The following PDE8B variants were observed in gnomAD, a reference collection of about 807,000 sequenced individuals.
PDE8B encodes the protein high affinity cAMP-specific and IBMX-insensitive 3',5'-cyclic phosphodiesterase 8B.
PDE8B carries 26 observed loss-of-function variants against 101.3 expected under a neutral mutation model. The observed-to-expected ratio is 0.26, with a 90% CI of 0.19 to 0.36. PDE8B has a LOEUF of 0.36. PDE8B is among the 10% of genes least tolerant of loss of function. PDE8B has a pLI of 1.00. For synonymous variants in PDE8B, 424 were observed against 429.3 expected, an observed-to-expected ratio of 0.99 and a Z score of 0.15; for missense variants, 810 against 1,163.1, an observed-to-expected ratio of 0.70 and a Z score of 4.42.
At chr5:77,396,489 G>A (rs1791086723) in intron 10 of PDE8B, among the ~76,000 whole-genome samples, 1 of 152,146 alleles carries the variant, frequency 6.6e-6, no homozygotes, top group Admixed American at 6.5e-5. Context: ...CTTAGGAGTT[G>A]GATTTTTCTC....
chr5:77,216,169 T>G (rs1481149521), intron 1 of PDE8B, among the ~76,000 whole-genome samples: 1 of 152,068 alleles, frequency 6.6e-6, no homozygotes, highest in East Asian at 1.9e-4. Flanking sequence ...TTTGGCAGGA[T>G]GAAGGAAAGA....
chr5:77,395,834 T>C (rs537669095), intron 10 of PDE8B, among the ~76,000 whole-genome samples: 164 of 149,724 alleles, frequency 1.1e-3, no homozygotes, highest in African/African-American at 3.7e-3. Context: ...ATAAAGCCAG[T>C]TCCACATGGC....
chr5:77,191,357 CTT>C, the PDE8B span, among the ~76,000 whole-genome samples: 1 of 145,844 alleles, frequency 6.9e-6, no homozygotes, highest in Non-Finnish European at 1.5e-5. Context: ...TAAAACATAT[CTT>C]TTTTTTTTTT....
At chr5:77,289,089 G>A (rs1000456938) in intron 1 of PDE8B, among the ~76,000 whole-genome samples, 56 of 151,990 alleles carry the variant, frequency 3.7e-4, no homozygotes, top group African/African-American at 1.3e-3. Flanking sequence ...TAATAGACAC[G>A]TCCACACTGA....
At chr5:77,266,079 C>A (rs146924754) in intron 1 of PDE8B, among the ~76,000 whole-genome samples, 1 of 152,166 alleles carries the variant, frequency 6.6e-6, no homozygotes, top group African/African-American at 2.4e-5. Flanking sequence ...AGCTGTTCAG[C>A]GGCATTGTGG....
At chr5:77,394,635 A>G (rs1790631742) in intron 10 of PDE8B, among the ~76,000 whole-genome samples, 1 of 152,198 alleles carries the variant, frequency 6.6e-6, no homozygotes, top group African/African-American at 2.4e-5. Flanking sequence ...CTGTAGTACT[A>G]GGTAGGAAAA....
At chr5:77,206,865 A>G (rs1747545408), upstream of PDE8B, among the ~76,000 whole-genome samples, 1 of 152,228 alleles carries the variant, frequency 6.6e-6, no homozygotes, top group African/African-American at 2.4e-5. Context: ...AAAGTCCCAC[A>G]ATTCTAAATA....
chr5:77,304,827 T>C (rs145079110), intron 1 of PDE8B, among the ~76,000 whole-genome samples: 5 of 152,322 alleles, frequency 3.3e-5, no homozygotes, highest in African/African-American at 1.2e-4. Context: ...TCACCAAATA[T>C]AAAAGACTTT....
At chr5:77,126,553 G>T in the PDE8B span, among the ~76,000 whole-genome samples, 1 of 152,124 alleles carries the variant, frequency 6.6e-6, no homozygotes, top group Non-Finnish European at 1.5e-5. Flanking sequence ...AGCCTCCCGA[G>T]TAGCTGGGAC....
At chr5:77,209,974 A>G (rs1299895558), upstream of PDE8B, among the ~76,000 whole-genome samples, 1 of 152,202 alleles carries the variant, frequency 6.6e-6, no homozygotes, top group African/African-American at 2.4e-5. Context: ...TCACCATCCA[A>G]CTCAGCCTTC....
chr5:77,425,159 GTATGA>G (rs1797756195), intron 20 of PDE8B, among the ~76,000 whole-genome samples: 1 of 152,212 alleles, frequency 6.6e-6, no homozygotes, highest in Admixed American at 6.5e-5. Context: ...ATTTGTGTTT[GTATGA>G]CATTGAACAG....
At chr5:77,202,636 ATT>A in the PDE8B span, among the ~76,000 whole-genome samples, 5 of 145,958 alleles carry the variant, frequency 3.4e-5, no homozygotes, top group African/African-American at 1.0e-4. Context: ...GTTATTAGTA[ATT>A]TTTTTTTTTT....
the PDE8B span, among the ~76,000 whole-genome samples, chr5:77,199,807 A>G: frequency 6.6e-6 from 1 of 152,184 alleles, no homozygotes; most frequent in Non-Finnish European, 1.5e-5. Flanking sequence ...TGTAAAGTAT[A>G]AGACTGTTAC....
At chr5:77,168,223 G>A in the PDE8B span, among the ~76,000 whole-genome samples, 1 of 152,160 alleles carries the variant, frequency 6.6e-6, no homozygotes, top group African/African-American at 2.4e-5. Context: ...TATGGAACAG[G>A]GCAAAGGAGT....
chr5:77,306,604 A>G (rs4704403), intron 1 of PDE8B, among the ~76,000 whole-genome samples: 94,275 of 152,092 alleles, frequency 0.62, 30,792 homozygotes, highest in East Asian at 0.88. Context: ...TTCCAGGTCA[A>G]CTGCTTTCCT....
At chr5:77,201,742 C>T in the PDE8B span, among the ~76,000 whole-genome samples, 2 of 152,188 alleles carry the variant, frequency 1.3e-5, no homozygotes, top group Admixed American at 6.5e-5. Flanking sequence ...CCATGGAATT[C>T]CCCTCCCCAC....
At chr5:77,266,493 G>A (rs1761740916) in intron 1 of PDE8B, among the ~76,000 whole-genome samples, 3 of 152,216 alleles carry the variant, frequency 2.0e-5, no homozygotes, top group Admixed American at 2.0e-4. Flanking sequence ...AAGCACATGT[G>A]TTAGACGAGC....
chr5:77,215,880 A>T (rs1463093963), intron 1 of PDE8B, among the ~76,000 whole-genome samples: 1 of 152,186 alleles, frequency 6.6e-6, no homozygotes, highest in African/African-American at 2.4e-5. Flanking sequence ...CAGGCAAGGG[A>T]AATCTAGAAA....
intron 5 of PDE8B, among the ~76,000 whole-genome samples, chr5:77,333,713 C>A (rs984944622): frequency 6.6e-6 from 1 of 152,240 alleles, no homozygotes; most frequent in Non-Finnish European, 1.5e-5. Flanking sequence ...TTAGGAGAAA[C>A]AACTGGAACT....
Sources: allele counts gnomAD v4.1 joint callset (sites outside exome capture counted in the v4.1 genomes callset), GRCh38; gene constraint gnomAD v4.1.1; transcripts MANE v1.5; gene names NCBI Gene and HGNC (gene_info 2026-07-23, HGNC 2026-07-21).